DSCAML1: variants seen among roughly 807,000 people sequenced by gnomAD.
DSCAML1 encodes the protein DS cell adhesion molecule like 1.
A neutral mutation model predicts 200.5 loss-of-function variants in DSCAML1; 38 were observed. The observed-to-expected ratio is 0.19, with a 90% CI of 0.15 to 0.25. DSCAML1 has a LOEUF of 0.25. DSCAML1 is among the 10% of genes least tolerant of loss of function. DSCAML1 has a pLI of 1.00. For missense variants in DSCAML1, 2,223 were observed against 2,858.8 expected (o/e 0.78, Z 5.07); for synonymous variants, 1,215 against 1,165.0 (o/e 1.04, Z -0.87).
At chr11:117,497,200 G>A (rs529006768) in intron 11 of DSCAML1, among the ~76,000 whole-genome samples, 2 of 152,298 alleles carry the variant, frequency 1.3e-5, no homozygotes, top group African/African-American at 4.8e-5. Flanking sequence ...CCTCTGAATA[G>A]AGGAGCAAAC....
intron 3 of DSCAML1, among the ~76,000 whole-genome samples, chr11:117,753,239 G>T (rs1206439298): frequency 2.0e-5 from 3 of 152,212 alleles, no homozygotes; most frequent in Non-Finnish European, 4.4e-5. Flanking sequence ...ATTGAGTAAA[G>T]CCTCAATAAA....
intron 3 of DSCAML1, among the ~76,000 whole-genome samples, chr11:117,723,454 C>T (rs1051319744): frequency 6.6e-6 from 1 of 152,132 alleles, no homozygotes; most frequent in East Asian, 1.9e-4. Context: ...CAACAAATGC[C>T]GTGCTAAAAT....
At chr11:117,596,827 G>T (rs2051369243) in intron 3 of DSCAML1, among the ~76,000 whole-genome samples, 1 of 152,230 alleles carries the variant, frequency 6.6e-6, no homozygotes, top group Non-Finnish European at 1.5e-5. Flanking sequence ...TGTTTTGAAT[G>T]CAGAGGCAAA....
At chr11:117,643,368 T>C (rs2052450703) in intron 3 of DSCAML1, among the ~76,000 whole-genome samples, 1 of 152,140 alleles carries the variant, frequency 6.6e-6, no homozygotes, top group Non-Finnish European at 1.5e-5. Context: ...GGACGTACTA[T>C]CCCCCTGTAA....
chr11:117,720,201 G>A (rs1424040954), intron 3 of DSCAML1, among the ~76,000 whole-genome samples: 1 of 152,160 alleles, frequency 6.6e-6, no homozygotes, highest in African/African-American at 2.4e-5. Flanking sequence ...TGACACCCAG[G>A]CAGCCAGGTA....
intron 3 of DSCAML1, among the ~76,000 whole-genome samples, chr11:117,626,308 G>T (rs2052046151): frequency 6.6e-6 from 1 of 151,908 alleles, no homozygotes; most frequent in Non-Finnish European, 1.5e-5. Context: ...AAAGTAAAGG[G>T]CTTGCCTAGA....
chr11:117,470,053 T>G (rs1197408402), intron 15 of DSCAML1, 73 bp from the exon 16 acceptor site: 2 of 1,389,182 alleles, frequency 1.4e-6, no homozygotes, highest in Non-Finnish European at 1.9e-6. Context: ...ATGTTCCCAC[T>G]CCCACCCTCC....
Position 117,481,178 on chromosome 11 carries a change from C to A in DSCAML1, c.2652G>T (p.Val884=). The change falls in exon 13 of 33, where the codon GTG becomes GTT. Residue 884 remains valine (V), a synonymous_variant. Transcript: ENST00000651296. ...GEDRGLIQLT[V]QEPPDPPELE... The stretch of plus-strand genomic sequence containing the variant: ...GGGTGGGGCAGGTGAAGGTACCTTG[C>A]ACAGTGAGTTGGATCAAGCCCCGGT... 1 of 1,613,774 alleles carries A rather than the reference C, an allele frequency of 6.2e-7. No individual in the cohort carries two copies. The highest frequency in any genetic ancestry group is 2.2e-5 in the East Asian group (1 of 44,810).
chr11:117,761,768 T>A (rs959703069), intron 3 of DSCAML1, among the ~76,000 whole-genome samples: 7 of 152,218 alleles, frequency 4.6e-5, no homozygotes, highest in African/African-American at 1.4e-4. Context: ...CTACTTGGGA[T>A]GCTGAGGCAG....
At chr11:117,718,554 G>A (rs2053990744) in intron 3 of DSCAML1, among the ~76,000 whole-genome samples, 1 of 151,880 alleles carries the variant, frequency 6.6e-6, no homozygotes, top group Non-Finnish European at 1.5e-5. Flanking sequence ...ATGGAATTAG[G>A]AGATTCCTGA....
intron 3 of DSCAML1, among the ~76,000 whole-genome samples, chr11:117,600,675 A>G (rs957859015): frequency 6.6e-6 from 1 of 152,214 alleles, no homozygotes; most frequent in African/African-American, 2.4e-5. Context: ...ATTTGCATGC[A>G]AGTCCTCACT....
At chr11:117,690,690 G>T (rs1386859240) in intron 3 of DSCAML1, among the ~76,000 whole-genome samples, 2 of 152,250 alleles carry the variant, frequency 1.3e-5, no homozygotes, top group East Asian at 3.8e-4. Flanking sequence ...TCCCTGGAAG[G>T]CAGGGGACCT....
At position 117,626,613 on chromosome 11, in the gene DSCAML1, G is replaced by A. The variant is rs113718394; in HGVS notation, c.512-94091C>T. Among the ~76,000 whole-genome samples the A allele has an allele frequency of 5.8e-3, 882 of 152,186 alleles. 9 individuals carry two copies. Among genetic ancestry groups the A allele is most frequent in the African/African-American group, 0.019 (779 of 41,516 alleles). On this transcript the variant is annotated intron_variant, in intron 3 of 32. Transcript: ENST00000651296. ...ATGCTGCCTGCCTTCTCATGGAACG[G>A]GCATAGCACATCAAAGCATGTGGCG... is the stretch of plus-strand genomic sequence containing the variant.
intron 1 of DSCAML1, among the ~76,000 whole-genome samples, chr11:117,781,513 C>T (rs148958558): frequency 1.3e-5 from 2 of 152,286 alleles, no homozygotes; most frequent in African/African-American, 4.8e-5. Context: ...AGCTGGGATG[C>T]TCGCCTGGAA....
chr11:117,475,790 C>G (rs1264100171), intron 14 of DSCAML1, among the ~76,000 whole-genome samples: 2 of 151,502 alleles, frequency 1.3e-5, no homozygotes, highest in Non-Finnish European at 2.9e-5. Flanking sequence ...AGAACAACTC[C>G]TTTTTTTCTT....
At chr11:117,689,520 T>C (rs1244247049) in intron 3 of DSCAML1, among the ~76,000 whole-genome samples, 1 of 152,250 alleles carries the variant, frequency 6.6e-6, no homozygotes, top group Admixed American at 6.5e-5. Context: ...AACGTGTTTC[T>C]GGAAACTCCT....
intron 20 of DSCAML1, among the ~76,000 whole-genome samples, chr11:117,444,777 G>C (rs1396461573): frequency 6.6e-6 from 1 of 152,174 alleles, no homozygotes; most frequent in Non-Finnish European, 1.5e-5. Context: ...GAAACCAGAG[G>C]CTCAGATATT....
At chr11:117,698,959 G>A (rs1007698801) in intron 3 of DSCAML1, among the ~76,000 whole-genome samples, 2 of 152,296 alleles carry the variant, frequency 1.3e-5, no homozygotes, top group Middle Eastern at 3.4e-3. Context: ...CCGTACTCTA[G>A]GGCTACGGCA....
chr11:117,434,893 AG>A (rs1370867840), intron 27 of DSCAML1, among the ~76,000 whole-genome samples: 5 of 152,228 alleles, frequency 3.3e-5, no homozygotes, highest in African/African-American at 4.8e-5. Flanking sequence ...TGAACACAAT[AG>A]GGAGCATTAG....
Sources: allele counts gnomAD v4.1 joint callset (sites outside exome capture counted in the v4.1 genomes callset), GRCh38; gene constraint gnomAD v4.1.1; transcripts MANE v1.5; gene names NCBI Gene and HGNC (gene_info 2026-07-23, HGNC 2026-07-21).